The following LINGO2 variants were observed in gnomAD, a reference collection of about 807,000 sequenced individuals.
LINGO2 encodes leucine-rich repeat and immunoglobulin-like domain-containing nogo receptor-interacting protein 2.
A neutral mutation model predicts 30.6 loss-of-function variants in LINGO2; 14 were observed. The ratio of observed to expected loss-of-function variants is 0.46; its 90% CI spans 0.30 to 0.72. LINGO2 has a LOEUF of 0.72. LINGO2 is among the 30% of genes least tolerant of loss of function. LINGO2 has a pLI of 0.07. For missense variants in LINGO2, 729 were observed against 751.7 expected (o/e 0.97, Z 0.35); for synonymous variants, 317 against 288.5 (o/e 1.10, Z -1.00).
intron 2 of LINGO2, among the ~76,000 whole-genome samples, chr9:28,471,511 C>A (rs1825519024): frequency 6.6e-6 from 1 of 152,196 alleles, no homozygotes. Flanking sequence ...AACACTGCTA[C>A]ACAGGGGACC....
intron 4 of LINGO2, among the ~76,000 whole-genome samples, chr9:28,271,156 TA>T (rs11311789): frequency 0.11 from 15,189 of 144,568 alleles, 790 homozygotes; most frequent in East Asian, 0.15. Flanking sequence ...AAGAAAAAAG[TA>T]AAAAAAAAAA....
At chr9:28,123,255 G>A (rs561463446) in intron 4 of LINGO2, among the ~76,000 whole-genome samples, 2 of 152,186 alleles carry the variant, frequency 1.3e-5, no homozygotes, top group East Asian at 3.9e-4. Context: ...TCATAGTCAG[G>A]TTTCAAAAAG....
At chr9:28,085,029 C>A (rs1825871537) in intron 4 of LINGO2, among the ~76,000 whole-genome samples, 1 of 152,114 alleles carries the variant, frequency 6.6e-6, no homozygotes, top group Non-Finnish European at 1.5e-5. Flanking sequence ...ATCTTTAAAA[C>A]AGTCTGTGGA....
chr9:28,749,482 T>G, the LINGO2 span, among the ~76,000 whole-genome samples: 3 of 152,070 alleles, frequency 2.0e-5, no homozygotes, highest in Non-Finnish European at 4.4e-5. Context: ...CATAGAAAAC[T>G]AAATTGCTCA....
the LINGO2 span, among the ~76,000 whole-genome samples, chr9:29,170,702 G>T: frequency 6.6e-6 from 1 of 152,008 alleles, no homozygotes; most frequent in Admixed American, 6.6e-5. Flanking sequence ...TACTATTCAT[G>T]ACATACAATA....
chr9:28,950,451 A>G, the LINGO2 span, among the ~76,000 whole-genome samples: 1 of 152,144 alleles, frequency 6.6e-6, no homozygotes, highest in Non-Finnish European at 1.5e-5. Context: ...GAGAAAGTCA[A>G]ATTGTCTCTG....
At chr9:28,888,485 T>C in the LINGO2 span, among the ~76,000 whole-genome samples, 2 of 152,124 alleles carry the variant, frequency 1.3e-5, no homozygotes, top group African/African-American at 2.4e-5. Context: ...CCTGATTAGA[T>C]ACAACCAAGA....
the LINGO2 span, among the ~76,000 whole-genome samples, chr9:28,916,239 G>T: frequency 2.6e-5 from 4 of 152,008 alleles, no homozygotes; most frequent in Non-Finnish European, 4.4e-5. Flanking sequence ...TTTCACCCCC[G>T]AATTTGTTTC....
At chr9:28,854,891 T>C in the LINGO2 span, among the ~76,000 whole-genome samples, 1 of 151,946 alleles carries the variant, frequency 6.6e-6, no homozygotes, top group Non-Finnish European at 1.5e-5. Context: ...GAAAATTGCT[T>C]CCTAAACTTA....
intron 4 of LINGO2, among the ~76,000 whole-genome samples, chr9:28,221,670 C>T (rs7875977): frequency 0.85 from 129,894 of 152,106 alleles, 55,731 homozygotes; most frequent in Non-Finnish European, 0.9. Flanking sequence ...TTTAGACAAA[C>T]GACAAAACTA....
chr9:28,054,705 A>T (rs1824837935), intron 4 of LINGO2, among the ~76,000 whole-genome samples: 1 of 152,118 alleles, frequency 6.6e-6, no homozygotes, highest in African/African-American at 2.4e-5. Flanking sequence ...AATTATAGTA[A>T]ATAAGTTTAA....
the LINGO2 span, among the ~76,000 whole-genome samples, chr9:28,860,405 C>G: frequency 6.6e-6 from 1 of 151,986 alleles, no homozygotes; most frequent in African/African-American, 2.4e-5. Flanking sequence ...CTGACCTTCC[C>G]CATGCTTGAA....
intron 3 of LINGO2, among the ~76,000 whole-genome samples, chr9:28,348,232 G>GGTACC (rs1819671180): frequency 6.6e-6 from 1 of 152,152 alleles, no homozygotes; most frequent in Non-Finnish European, 1.5e-5. Context: ...TTCCATCTGA[G>GGTACC]GTACCGGGTT....
chr9:28,880,076 G>T, the LINGO2 span, among the ~76,000 whole-genome samples: 1 of 152,094 alleles, frequency 6.6e-6, no homozygotes, highest in Admixed American at 6.6e-5. Flanking sequence ...AAATAACTTT[G>T]AATGAAATTG....
At chr9:28,220,754 T>C (rs975933232) in intron 4 of LINGO2, among the ~76,000 whole-genome samples, 6 of 152,092 alleles carry the variant, frequency 3.9e-5, no homozygotes, top group African/African-American at 9.7e-5. Flanking sequence ...ATGCCTACCA[T>C]CGGTCTCCAG....
intron 3 of LINGO2, among the ~76,000 whole-genome samples, chr9:28,339,126 A>T (rs1825683506): frequency 6.6e-6 from 1 of 152,110 alleles, no homozygotes; most frequent in Admixed American, 6.6e-5. Flanking sequence ...GTCATAACAA[A>T]ATGTCCTTAT....
At chr9:28,722,150 A>T in the LINGO2 span, among the ~76,000 whole-genome samples, 1 of 152,162 alleles carries the variant, frequency 6.6e-6, no homozygotes, top group Non-Finnish European at 1.5e-5. Context: ...AAGAAATGAC[A>T]TAAACATGTA....
At chr9:28,946,705 T>C in the LINGO2 span, among the ~76,000 whole-genome samples, 1 of 152,088 alleles carries the variant, frequency 6.6e-6, no homozygotes, top group Non-Finnish European at 1.5e-5. Context: ...CCCCATTACA[T>C]AACACAGAAA....
At chr9:28,419,598 G>A (rs10968581) in intron 2 of LINGO2, among the ~76,000 whole-genome samples, 45,459 of 100,716 alleles carry the variant, frequency 0.45, 7,822 homozygotes, top group Admixed American at 0.54. Context: ...CAAATGTGGA[G>A]ATAGATTAAA....
Sources: gnomAD v4.1 joint callset for allele counts (sites outside exome capture counted in the v4.1 genomes callset) on GRCh38, gnomAD v4.1.1 for gene constraint, MANE v1.5 for transcripts, NCBI Gene and HGNC (gene_info 2026-07-23, HGNC 2026-07-21) for gene names.